The following ALK variants were observed in gnomAD, a reference collection of about 807,000 sequenced individuals.
The protein encoded by ALK is ALK receptor tyrosine kinase.
A neutral mutation model predicts 163.1 loss-of-function variants in ALK; 74 were observed. The observed-to-expected ratio is 0.45, with a 90% CI of 0.38 to 0.55. The LOEUF is 0.55. Among genes scored for constraint, ALK ranks in the 20% least tolerant of loss-of-function variants. The pLI is 0.00. For missense variants in ALK, 2,063 were observed against 2,105.3 expected (o/e 0.98, Z 0.39); for synonymous variants, 960 against 843.2 (o/e 1.14, Z -2.40).
At chr2:29,341,967 G>A (rs1667805921) in intron 5 of ALK, among the ~76,000 whole-genome samples, 1 of 152,120 alleles carries the variant, frequency 6.6e-6, no homozygotes, top group Non-Finnish European at 1.5e-5. Flanking sequence ...TAATGAAGAA[G>A]GAAAACTGGA....
At chr2:29,732,986 A>G (rs1243327210) in intron 1 of ALK, among the ~76,000 whole-genome samples, 7 of 152,046 alleles carry the variant, frequency 4.6e-5, no homozygotes, top group Non-Finnish European at 8.8e-5. Context: ...ATGAATTGAT[A>G]TAAGTGGAGT....
chr2:29,677,495 A>T (rs939508578), intron 3 of ALK, among the ~76,000 whole-genome samples: 15 of 152,142 alleles, frequency 9.9e-5, no homozygotes, highest in African/African-American at 3.6e-4. Context: ...TCATGAGTGG[A>T]TGTTGGATTC....
chr2:29,310,538 TA>T (rs1666668770), intron 8 of ALK, among the ~76,000 whole-genome samples: 1 of 152,222 alleles, frequency 6.6e-6, no homozygotes, highest in Non-Finnish European at 1.5e-5. Context: ...AAGTGATTTG[TA>T]AGTGACCTGA....
At chr2:29,704,675 T>C (rs1158940658) in intron 2 of ALK, among the ~76,000 whole-genome samples, 1 of 152,212 alleles carries the variant, frequency 6.6e-6, no homozygotes, top group African/African-American at 2.4e-5. Flanking sequence ...CCTGCATGTA[T>C]TCTTCTGCCA....
intron 1 of ALK, among the ~76,000 whole-genome samples, chr2:29,764,823 T>C (rs1680810947): frequency 6.6e-6 from 1 of 152,210 alleles, no homozygotes; most frequent in South Asian, 2.1e-4. Flanking sequence ...TGTTGGTTAT[T>C]GATATGATTT....
intron 3 of ALK, among the ~76,000 whole-genome samples, chr2:29,671,596 A>C (rs1036750851): frequency 1.9e-4 from 29 of 152,062 alleles, no homozygotes; most frequent in African/African-American, 7.0e-4. Context: ...CCAGTGTAGA[A>C]ATTGTGAATG....
At chr2:29,784,017 T>C (rs1663923794) in intron 1 of ALK, among the ~76,000 whole-genome samples, 2 of 151,696 alleles carry the variant, frequency 1.3e-5, no homozygotes, top group South Asian at 4.2e-4. Context: ...AATTCTTATA[T>C]AGAAGAAAGA....
chr2:29,556,908 T>G (rs1032062738), intron 3 of ALK, among the ~76,000 whole-genome samples: 1 of 152,198 alleles, frequency 6.6e-6, no homozygotes, highest in African/African-American at 2.4e-5. Flanking sequence ...TGTAGTAAAT[T>G]ATATTTCCAA....
At chr2:29,272,248 C>T (rs1450758653) in intron 11 of ALK, among the ~76,000 whole-genome samples, 1 of 152,106 alleles carries the variant, frequency 6.6e-6, no homozygotes, top group East Asian at 1.9e-4. Flanking sequence ...CACATTACCC[C>T]AATCATTTGG....
At chr2:29,657,785 C>T (rs745642790) in intron 3 of ALK, among the ~76,000 whole-genome samples, 8 of 151,950 alleles carry the variant, frequency 5.3e-5, no homozygotes, top group African/African-American at 1.7e-4. Flanking sequence ...TCTCCAGCTA[C>T]GATGGGGCTG....
intron 20 of ALK, among the ~76,000 whole-genome samples, chr2:29,223,126 TCTC>T (rs1363549044): frequency 6.6e-6 from 1 of 152,128 alleles, no homozygotes; most frequent in Non-Finnish European, 1.5e-5. Context: ...GAGCCCTGGT[TCTC>T]CTCTCATTGT....
chr2:29,563,899 T>TTA (rs1462692186), intron 3 of ALK, among the ~76,000 whole-genome samples: 1 of 152,172 alleles, frequency 6.6e-6, no homozygotes, highest in Non-Finnish European at 1.5e-5. Flanking sequence ...GGCAAAGAAG[T>TTA]TATGCAACCC....
chr2:29,616,121 A>T (rs1675838113), intron 3 of ALK, among the ~76,000 whole-genome samples: 1 of 152,218 alleles, frequency 6.6e-6, no homozygotes, highest in Non-Finnish European at 1.5e-5. Context: ...AGCCAGGCAT[A>T]TTATGTCACG....
At chr2:29,583,980 T>C (rs1229809062) in intron 3 of ALK, among the ~76,000 whole-genome samples, 3 of 152,200 alleles carry the variant, frequency 2.0e-5, no homozygotes, top group African/African-American at 7.2e-5. Context: ...TTCCCTGGCA[T>C]AAAACAAAAA....
At chr2:29,731,781 C>T (rs576292521) in intron 1 of ALK, among the ~76,000 whole-genome samples, 1 of 152,316 alleles carries the variant, frequency 6.6e-6, no homozygotes, top group South Asian at 2.1e-4. Context: ...CAGGACTAAG[C>T]ATTAAAGATA....
rs138710223 is a variant in ALK at position 29,661,595 on chromosome 2, C to G, written c.952+33255G>C. Among the ~76,000 whole-genome samples the G allele has an allele frequency of 3.1e-3, 470 of 152,292 alleles. 3 individuals carry two copies. Among genetic ancestry groups the G allele is most frequent in the African/African-American group, 0.011 (442 of 41,572 alleles). On this transcript the variant is annotated intron_variant, in intron 3 of 28. Coordinates refer to ENST00000389048, the MANE Select transcript of ALK (RefSeq NM_004304.5). ...AAGACCTGTCATATATTAATCACAT[C>G]ATTCTCATAAAAATCCTATAAGGTA... is the stretch of plus-strand genomic sequence containing the variant.
intron 4 of ALK, among the ~76,000 whole-genome samples, chr2:29,463,720 G>A (rs370056324): frequency 7.2e-5 from 11 of 152,218 alleles, no homozygotes; most frequent in African/African-American, 2.7e-4. Context: ...ATGTAGGGGA[G>A]AGAGAGAATA....
chr2:29,536,882 G>A (rs1222887961), intron 3 of ALK, among the ~76,000 whole-genome samples: 3 of 152,226 alleles, frequency 2.0e-5, no homozygotes, highest in Non-Finnish European at 2.9e-5. Flanking sequence ...CTGCATTCAT[G>A]TTCATGCCTT....
At chr2:29,564,412 T>G (rs891358796) in intron 3 of ALK, among the ~76,000 whole-genome samples, 1 of 149,498 alleles carries the variant, frequency 6.7e-6, no homozygotes, top group East Asian at 2.0e-4. Flanking sequence ...TATTCAACCC[T>G]GTGCCTTGCA....
Sources: allele counts gnomAD v4.1 joint callset (sites outside exome capture counted in the v4.1 genomes callset), GRCh38; gene constraint gnomAD v4.1.1; transcripts MANE v1.5; gene names NCBI Gene and HGNC (gene_info 2026-07-23, HGNC 2026-07-21).